DTNA: variants seen among roughly 807,000 people sequenced by gnomAD.
DTNA encodes the protein dystrobrevin alpha, also known as dystrophin-related protein 3.
DTNA carries 43 observed loss-of-function variants against 100.7 expected under a neutral mutation model. The ratio of observed to expected loss-of-function variants is 0.43; its 90% confidence interval spans 0.33 to 0.55. DTNA has a LOEUF of 0.55. Among genes scored for constraint, DTNA ranks in the 20% least tolerant of loss-of-function variants. DTNA has a pLI of 0.04. For missense variants in DTNA, 798 were observed against 953.9 expected, an observed-to-expected ratio of 0.84 and a Z score of 2.15; for synonymous variants, 349 against 347.9, an observed-to-expected ratio of 1.00 and a Z score of -0.04.
intron 15 of DTNA, among the ~76,000 whole-genome samples, chr18:34,853,771 T>TA (rs952976125): frequency 8.6e-5 from 13 of 151,148 alleles, no homozygotes; most frequent in African/African-American, 1.9e-4. Context: ...TGACGAATTA[T>TA]AAAAAAAAAT....
chr18:34,646,358 TACAA>T (rs549575800), intron 1 of DTNA, among the ~76,000 whole-genome samples: 222 of 152,322 alleles, frequency 1.5e-3, no homozygotes, highest in African/African-American at 5.1e-3. Context: ...ATACAGCTCA[TACAA>T]ACAATAAGAA....
chr18:34,688,106 C>T (rs1419501487), intron 1 of DTNA, among the ~76,000 whole-genome samples: 1 of 152,124 alleles, frequency 6.6e-6, no homozygotes, highest in Non-Finnish European at 1.5e-5. Context: ...ATTTGCCAGT[C>T]TGTGCCTTTT....
intron 11 of DTNA, among the ~76,000 whole-genome samples, chr18:34,830,051 G>T (rs1236828453): frequency 6.6e-6 from 1 of 152,114 alleles, no homozygotes; most frequent in Non-Finnish European, 1.5e-5. Flanking sequence ...TGATAATGCT[G>T]GTGGTGAATC....
At chr18:34,567,297 G>C (rs1028757060) in intron 1 of DTNA, among the ~76,000 whole-genome samples, 4 of 152,054 alleles carry the variant, frequency 2.6e-5, no homozygotes, top group African/African-American at 9.7e-5. Context: ...TGGTAAGTAT[G>C]TTTATTTTAA....
intron 12 of DTNA, among the ~76,000 whole-genome samples, chr18:34,838,458 T>C (rs1175278976): frequency 6.6e-6 from 1 of 152,242 alleles, no homozygotes; most frequent in Non-Finnish European, 1.5e-5. Context: ...ATGTATTTAC[T>C]CTACAGATGA....
intron 1 of DTNA, among the ~76,000 whole-genome samples, chr18:34,688,568 C>G (rs142023482): frequency 0.026 from 3,909 of 152,168 alleles, 99 homozygotes; most frequent in Non-Finnish European, 0.033. Context: ...TCTGGCTGCC[C>G]TTAACATTTT....
At chr18:34,670,317 A>G (rs1225395715) in intron 1 of DTNA, among the ~76,000 whole-genome samples, 1 of 152,104 alleles carries the variant, frequency 6.6e-6, no homozygotes, top group Non-Finnish European at 1.5e-5. Flanking sequence ...CTAGTTAGCC[A>G]TTCATCTAAT....
In DTNA at chr18:34,573,216, A is replaced by C. The variant is rs567144549; in HGVS notation, c.-2+79702A>C. 1.4e-4 allele frequency among the ~76,000 whole-genome samples: 21 copies of C among 152,312 alleles called. No individual in the cohort carries two copies. The East Asian group carries it at 2.1e-3, about 15-fold the overall frequency. On this transcript the variant is annotated intron_variant, in intron 1 of 19. Coordinates refer to the DTNA transcript ENST00000283365. Reference sequence around the variant, plus strand: ...TCCTCTGTGTTTAAAAGTCTGTGCTAAGTAGCCAAAGTTTTGTATGAGAAA... The same window carrying C: ...TCCTCTGTGTTTAAAAGTCTGTGCTCAGTAGCCAAAGTTTTGTATGAGAAA...
At chr18:34,602,283 A>G (rs2685558) in intron 1 of DTNA, among the ~76,000 whole-genome samples, 29,469 of 152,160 alleles carry the variant, frequency 0.19, 3,165 homozygotes, top group African/African-American at 0.27. Context: ...TGTCCTTGGA[A>G]GCCAATAATT....
chr18:34,569,989 C>T (rs1389193196), intron 1 of DTNA, among the ~76,000 whole-genome samples: 2 of 152,000 alleles, frequency 1.3e-5, no homozygotes, highest in South Asian at 4.2e-4. Flanking sequence ...ATAAAATTAA[C>T]CATATGACAC....
intron 1 of DTNA, among the ~76,000 whole-genome samples, chr18:34,628,088 G>T (rs1047357622): frequency 1.3e-5 from 2 of 152,052 alleles, no homozygotes; most frequent in African/African-American, 2.4e-5. Context: ...ACTGCGCCTG[G>T]CACAAATTTG....
intron 13 of DTNA, among the ~76,000 whole-genome samples, chr18:34,846,118 T>C (rs2096372993): frequency 6.6e-6 from 1 of 152,178 alleles, no homozygotes; most frequent in Non-Finnish European, 1.5e-5. Flanking sequence ...ACTGGACCAA[T>C]ATTATCGACA....
At chr18:34,577,004 C>A (rs1384543619) in intron 1 of DTNA, among the ~76,000 whole-genome samples, 1 of 152,140 alleles carries the variant, frequency 6.6e-6, no homozygotes, top group African/African-American at 2.4e-5. Context: ...AAAACACACC[C>A]CACCCCAGTT....
chr18:34,625,752 C>T (rs2057233442), intron 1 of DTNA, among the ~76,000 whole-genome samples: 1 of 152,174 alleles, frequency 6.6e-6, no homozygotes, highest in African/African-American at 2.4e-5. Context: ...AATGAAATAA[C>T]ATCTTGGAGA....
chr18:34,700,290 G>T (rs1389371114), intron 1 of DTNA, among the ~76,000 whole-genome samples: 1 of 152,022 alleles, frequency 6.6e-6, no homozygotes, highest in African/African-American at 2.4e-5. Context: ...GACCACTAGA[G>T]CTGGTTACCT....
chr18:34,818,902 G>T (rs749866930), intron 8 of DTNA, among the ~76,000 whole-genome samples: 3 of 152,240 alleles, frequency 2.0e-5, no homozygotes, highest in Non-Finnish European at 4.4e-5. Flanking sequence ...GGCAAAGGTG[G>T]CATGTGAGTG....
rs2095506486 is a variant in DTNA at position 34,812,537 on chromosome 18, TG to T, written c.603+426del. 7.2e-5 allele frequency among the ~76,000 whole-genome samples: 11 copies of T among 152,270 alleles called. No individual in the cohort carries two copies. In the South Asian group the frequency reaches 2.1e-3, roughly 29 times the overall value. On this transcript the variant is annotated intron_variant, in intron 6 of 22. Coordinates refer to ENST00000444659, the MANE Select transcript of DTNA (RefSeq NM_001386795.1). Reference sequence around the variant, plus strand: ...GAAGCAAAGACCTACCTTCTTCACATGGCGACAGGAAAGAGAAAGAATGAAA... The same window carrying T: ...GAAGCAAAGACCTACCTTCTTCACATGCGACAGGAAAGAGAAAGAATGAAA...
chr18:34,751,283 T>A (rs1419404039), intron 1 of DTNA, among the ~76,000 whole-genome samples: 1 of 152,230 alleles, frequency 6.6e-6, no homozygotes, highest in Non-Finnish European at 1.5e-5. Flanking sequence ...TGAGTCTCAC[T>A]CCTGAAACAC....
chr18:34,667,013 C>A (rs1442829252), intron 1 of DTNA, among the ~76,000 whole-genome samples: 3 of 152,108 alleles, frequency 2.0e-5, no homozygotes, highest in Non-Finnish European at 4.4e-5. Context: ...TTACTTTGGG[C>A]AGTATGGCCA....
Sources: gnomAD v4.1 joint callset for allele counts (sites outside exome capture counted in the v4.1 genomes callset) on GRCh38, gnomAD v4.1.1 for gene constraint, MANE v1.5 for transcripts, NCBI Gene and HGNC (gene_info 2026-07-23, HGNC 2026-07-21) for gene names.